Variants in SLC9A7 observed in about 807,000 individuals in gnomAD.
SLC9A7 encodes the protein sodium/hydrogen exchanger 7.
In SLC9A7, 19 loss-of-function variants were observed where a neutral mutation model predicts 52.6. The observed-to-expected ratio is 0.36, with a 90% confidence interval of 0.25 to 0.53. The LOEUF (loss-of-function observed/expected upper bound fraction) is 0.53. Ranked by LOEUF, SLC9A7 falls within the 20% of genes least tolerant of loss-of-function variation. SLC9A7 has a pLI of 0.91. For synonymous variants in SLC9A7, 226 were observed against 252.1 expected, an observed-to-expected ratio of 0.90 and a Z score of 0.98; for missense variants, 455 against 597.9, an observed-to-expected ratio of 0.76 and a Z score of 2.49.
Position 46,635,597 on chromosome X carries a change from C to T in SLC9A7, c.1668G>A (p.Gln556=), listed in dbSNP as rs761669280. Residue 556 remains glutamine, a synonymous_variant, in exon 13 of 17, where the codon CAG becomes CAA. Transcript: ENST00000616978. ...GGATGCCCTTGTGTCACCTGAAGTA[C>T]TGCCAGTGGTGTTCATTCTGGTCCT... ...SEEDQNEHHW[Q]YFRVGVDPDQ... is the part of the protein sequence containing the mutation. The T allele has an allele frequency of 4.1e-6, 5 of 1,209,063 alleles. No individual in the cohort carries two copies. In the East Asian group the frequency reaches 1.5e-4, roughly 36 times the overall value.
chrX:46,748,367 G>T, intron 1 of SLC9A7, among the ~76,000 whole-genome samples: 1 of 36,213 alleles, frequency 2.8e-5, no homozygotes, highest in Non-Finnish European at 7.3e-5. Context: ...AAGAAAGAAA[G>T]GAAGGAAGGA....
chrX:46,730,617 A>C (rs1189744479), intron 1 of SLC9A7, among the ~76,000 whole-genome samples: 1 of 94,175 alleles, frequency 1.1e-5, no homozygotes, highest in East Asian at 3.5e-4. Flanking sequence ...CCTAGATCAC[A>C]CCACTGCACT....
At chrX:46,669,744 G>A (rs773159610) in intron 4 of SLC9A7, 25 bp from the exon 5 acceptor site, 1 of 847,039 alleles carries the variant, frequency 1.2e-6, no homozygotes, top group South Asian at 2.6e-5. Flanking sequence ...GGTAAACTAT[G>A]TCAGGAGAAA....
At chrX:46,720,770 G>A (rs1350452429) in intron 1 of SLC9A7, among the ~76,000 whole-genome samples, 1 of 111,509 alleles carries the variant, frequency 9.0e-6, no homozygotes, top group African/African-American at 3.3e-5. Flanking sequence ...TCACAGCCGT[G>A]GCAGAGAAGA....
chrX:46,599,491 T>G lies in SLC9A7; in HGVS notation c.*7461A>C, dbSNP rs911902097. The G allele has an allele frequency of 8.9e-6, 1 of 112,353 alleles. No individual in the cohort carries two copies. Among genetic ancestry groups the G allele is most frequent in the African/African-American group, 3.2e-5 (1 of 30,895 alleles). The allele number at this position is 112,353 out of a possible 1,213,427, so 9.3% of individuals were successfully genotyped here. A position where few individuals can be genotyped will look rare whatever the true frequency, so the allele number is the denominator to read the frequency against. The stretch of plus-strand genomic sequence containing the variant: ...TTAGCTCAGCCAGTTAGTTGTTTTA[T>G]TTTGAGTTTTGTTTTTTTAAAAAAA... On this transcript the variant is annotated 3_prime_UTR_variant, in exon 17 of 17. Coordinates refer to ENST00000616978, the MANE Select transcript of SLC9A7 (RefSeq NM_001257291.2).
intron 4 of SLC9A7, among the ~76,000 whole-genome samples, chrX:46,671,940 G>A (rs1234989820): frequency 2.7e-5 from 3 of 112,026 alleles, no homozygotes; most frequent in East Asian, 2.8e-4. Flanking sequence ...ACCTCCTTGA[G>A]GGGGGATGTA....
In SLC9A7 at chrX:46,700,102, CAA is replaced by C. The variant is rs368524447; in HGVS notation, c.326-17569_326-17568del. On this transcript the variant is annotated intron_variant, in intron 1 of 16. Transcript: ENST00000616978. Reference sequence around the variant, plus strand: ...CCTGAGTGACAGCGAAACCTTGTCTCAAAAAAAAAAAAAAATCACAGATATAT... The same window carrying C: ...CCTGAGTGACAGCGAAACCTTGTCTCAAAAAAAAAAAAATCACAGATATAT... Among the ~76,000 whole-genome samples, 590 of 88,611 alleles carry C rather than the reference CAA, an allele frequency of 6.7e-3. 4 individuals are homozygous for C. The highest frequency in any genetic ancestry group is 0.023 in the African/African-American group (564 of 24,581). 76.9% of individuals were successfully genotyped at this position (88,611 alleles called of 115,157 possible).
In SLC9A7 at chrX:46,602,260, G is replaced by A. The variant is rs1423352793; in HGVS notation, c.*4692C>T. Reference sequence around the variant, plus strand: ...TTTTCAGCTGTACTTTATGGAGTATGTTCTTGAGTTCTGCAAAGATTAGCA... The same window carrying A: ...TTTTCAGCTGTACTTTATGGAGTATATTCTTGAGTTCTGCAAAGATTAGCA... On this transcript the variant is annotated 3_prime_UTR_variant, in exon 17 of 17. Transcript: ENST00000616978. 1 of 111,768 alleles carries A rather than the reference G, an allele frequency of 8.9e-6. No homozygotes were observed. The highest frequency in any genetic ancestry group is 3.3e-5 in the African/African-American group (1 of 30,716). The allele number at this position is 111,768 out of a possible 1,213,427, so 9.2% of individuals were successfully genotyped here.
intron 1 of SLC9A7, among the ~76,000 whole-genome samples, chrX:46,744,201 TC>T (rs1321559964): frequency 1.1e-4 from 12 of 112,308 alleles, no homozygotes; most frequent in African/African-American, 3.6e-4. Flanking sequence ...CACGCCCCTT[TC>T]CTTTAAGAAT....
chrX:46,612,116 C>T (rs1280381861), intron 16 of SLC9A7, among the ~76,000 whole-genome samples: 1 of 112,481 alleles, frequency 8.9e-6, no homozygotes, highest in African/African-American at 3.2e-5. Flanking sequence ...GGCCAACTCA[C>T]ATCCTCTCTG....
chrX:46,631,766 G>T, intron 13 of SLC9A7, 117 bp from the exon 14 acceptor site: 1 of 541,088 alleles, frequency 1.8e-6, no homozygotes, highest in Non-Finnish European at 3.1e-6. Context: ...AGCATAAGGA[G>T]TGGTTAGCTA....
At chrX:46,653,162 A>C (rs1943611018) in intron 8 of SLC9A7, among the ~76,000 whole-genome samples, 1 of 111,684 alleles carries the variant, frequency 9.0e-6, no homozygotes, top group South Asian at 3.8e-4. Context: ...TGAGAGGCTG[A>C]GGTAGGAGGT....
Position 46,758,942 on chromosome X carries a change from C to T in SLC9A7, c.88G>A (p.Gly30Ser), listed in dbSNP as rs1569528084. 9.1e-7 allele frequency: 1 copy of T among 1,098,068 alleles called. No homozygotes were observed. The highest frequency in any genetic ancestry group is 1.2e-6 in the Non-Finnish European group (1 of 844,811). 90.5% of individuals were successfully genotyped at this position (1,098,068 alleles called of 1,213,427 possible). ...GCGGCCGCGACTCGCAGCCCCCAAC[C>T]CAGCAGCAGCGGCAGCAGCAGCAGC... is the stretch of plus-strand genomic sequence containing the variant. Reference protein sequence around the residue: ...PRLLLLPLLLGWGLRVAAAAS... With the variant: ...PRLLLLPLLLSWGLRVAAAAS... The change falls in exon 1 of 17, where the codon GGT becomes AGT. Residue 30 changes from glycine to serine, a missense_variant. Physicochemically the swap from Gly to Ser is moderately conservative, Grantham distance 56. Transcript: ENST00000616978.
intron 16 of SLC9A7, among the ~76,000 whole-genome samples, chrX:46,612,945 AAAAAAAAAAAAAAAAAAAAAG>A (rs1942880514): frequency 1.0e-5 from 1 of 96,629 alleles, no homozygotes; most frequent in African/African-American, 3.7e-5. Flanking sequence ...AAAAAAAAAA[AAAAAAAAAAAAAAAAAAAAAG>A]AGAGAGAGAA....
In SLC9A7 at chrX:46,611,957, G is replaced by A. The variant is rs190942313; in HGVS notation, c.1929+1332C>T. Among the ~76,000 whole-genome samples the A allele has an allele frequency of 9.8e-4, 109 of 111,553 alleles. 1 individual carries two copies. The highest frequency in any genetic ancestry group is 3.2e-3 in the African/African-American group (99 of 30,712). On this transcript the variant is annotated intron_variant, in intron 16 of 16. Transcript: ENST00000616978. ...GCCTTTCCTAACCCTGCTACCCCTC[G>A]TTAGAACTTACCTGTTTAGGGCCGT...
intron 14 of SLC9A7, among the ~76,000 whole-genome samples, chrX:46,622,256 G>C (rs1179588105): frequency 9.0e-6 from 1 of 111,506 alleles, no homozygotes; most frequent in Admixed American, 9.5e-5. Context: ...AGACCAATTT[G>C]ATTTTACATT....
intron 14 of SLC9A7, among the ~76,000 whole-genome samples, chrX:46,627,866 C>T (rs757542139): frequency 2.7e-5 from 3 of 109,616 alleles, no homozygotes; most frequent in Non-Finnish European, 5.7e-5. Flanking sequence ...GACAGATTTA[C>T]GGGTATCAGA....
At chrX:46,647,250 G>A (rs762982238) in intron 11 of SLC9A7, 164 of 184,873 alleles carry the variant, frequency 8.9e-4, no homozygotes, top group Non-Finnish European at 1.4e-3. Context: ...GGCTCAGGGC[G>A]GTGTCCTTCC....
At chrX:46,646,580 C>A in intron 11 of SLC9A7, 1 of 210,490 alleles carries the variant, frequency 4.8e-6, no homozygotes, top group South Asian at 7.5e-5. Flanking sequence ...CGAAAGTAGT[C>A]TGTCCGCTGG....
Sources: allele counts gnomAD v4.1 joint callset (sites outside exome capture counted in the v4.1 genomes callset), GRCh38; gene constraint gnomAD v4.1.1; transcripts MANE v1.5; gene names NCBI Gene and HGNC (gene_info 2026-07-23, HGNC 2026-07-21).